The following CTSB variants were observed in gnomAD, a reference collection of about 807,000 sequenced individuals.
CTSB encodes the protein cathepsin B.
In CTSB, 57 loss-of-function variants were observed where a neutral mutation model predicts 44.3. The ratio of observed to expected loss-of-function variants is 1.29; its 90% confidence interval spans 1.04 to 1.60. The LOEUF (loss-of-function observed/expected upper bound fraction) is 1.60. Among genes scored for constraint, CTSB ranks in the 40% most tolerant of loss-of-function variants. The pLI is 0.00. For synonymous variants in CTSB, 320 were observed against 168.0 expected, an observed-to-expected ratio of 1.91 and a Z score of -7.00; for missense variants, 768 against 443.0, an observed-to-expected ratio of 1.73 and a Z score of -6.59.
intron 3 of CTSB, 112 bp downstream of exon 3, chr8:11,852,498 G>T: frequency 2.9e-6 from 2 of 681,012 alleles, no homozygotes; most frequent in South Asian, 2.1e-5. Context: ...CGGCAGCCCT[G>T]GGCAGCATGA....
Position 11,847,768 on chromosome 8 carries a change from G to T in CTSB, c.587C>A (p.Pro196His). The T allele has an allele frequency of 1.2e-6, 2 of 1,600,386 alleles. No individual in the cohort carries two copies. Among genetic ancestry groups the T allele is most frequent in the Non-Finnish European group, 1.7e-6 (2 of 1,176,136 alleles). The change falls in exon 7 of 10, where the codon CCC (proline) becomes CAC (histidine). Residue 196 changes from proline to histidine, a missense_variant. Transcript: ENST00000353047. ...PCEHHVNGSR[P>H]PCTGEGDTPK... ...GGTATCTCCCTCCCCCGTGCATGGGGGCCGGGAGCCGTTGACGTGGTGCTC... is the reference window on the plus strand; with the variant it reads ...GGTATCTCCCTCCCCCGTGCATGGGTGCCGGGAGCCGTTGACGTGGTGCTC...
chr8:11,846,061 T>C lies in CTSB; in HGVS notation c.794-272A>G, dbSNP rs1586080060. ...CTTTAAAAATAGAATTTCTAATACATTCTAATTGATAAAACATTTAATGCT... is the reference window on the plus strand; with the variant it reads ...CTTTAAAAATAGAATTTCTAATACACTCTAATTGATAAAACATTTAATGCT... On this transcript the variant is annotated intron_variant, in intron 8 of 9. Coordinates refer to ENST00000353047, the MANE Select transcript of CTSB (RefSeq NM_001908.5). The C allele has an allele frequency of 2.1e-5, 6 of 281,692 alleles. No homozygotes were observed. In the East Asian group the frequency reaches 4.2e-4, roughly 20 times the overall value. 17.4% of individuals were successfully genotyped at this position (281,692 alleles called of 1,614,324 possible).
In CTSB at chr8:11,850,893, T is replaced by C; in HGVS notation, c.300A>G (p.Arg100=). Residue 100 remains arginine (R), a synonymous_variant, in exon 4 of 10, where the codon AGA becomes AGG. Coordinates refer to ENST00000353047, the MANE Select transcript of CTSB (RefSeq NM_001908.5). The part of the protein sequence containing the change: ...WPQCPTIKEI[R]DQGSCGSCWA... ...AGCAGGAGCCACAGGAGCCCTGGTC[T>C]CTGATCTCTTTGATGGTGGGACACT... 6.2e-7 allele frequency: 1 copy of C among 1,613,492 alleles called. No homozygotes were observed. Among genetic ancestry groups the C allele is most frequent in the Non-Finnish European group, 8.5e-7 (1 of 1,179,618 alleles).
chr8:11,855,474 T>C (rs1430744042), intron 1 of CTSB, among the ~76,000 whole-genome samples: 1 of 152,182 alleles, frequency 6.6e-6, no homozygotes, highest in Non-Finnish European at 1.5e-5. Context: ...CTGGACAACA[T>C]TGTGAGACCC....
intron 3 of CTSB, 132 bp from the exon 4 acceptor site, chr8:11,851,112 A>C (rs904703553): frequency 6.3e-6 from 3 of 475,238 alleles, no homozygotes; most frequent in African/African-American, 3.9e-5. Flanking sequence ...AGAAGGCTGC[A>C]GACAGGTGTC....
chr8:11,855,641 T>C (rs977561541), intron 1 of CTSB, among the ~76,000 whole-genome samples: 1 of 152,226 alleles, frequency 6.6e-6, no homozygotes, highest in African/African-American at 2.4e-5. Context: ...ACATATACTT[T>C]AGGCTTCGTT....
In CTSB at chr8:11,843,538, T is replaced by C. The variant is rs1456530684; in HGVS notation, c.*1587A>G. 1 of 152,244 alleles carries C rather than the reference T, an allele frequency of 6.6e-6. No individual in the cohort carries two copies. The highest frequency in any genetic ancestry group is 1.9e-4 in the East Asian group (1 of 5,196). The allele number at this position is 152,244 out of a possible 1,614,324, so 9.4% of individuals were successfully genotyped here. A position where few individuals can be genotyped will look rare whatever the true frequency, so the allele number is the denominator to read the frequency against. ...CCAGGGCTATGCAAAGCACTAGAGT[T>C]CCTGACCAGCAATGCAAACCAGTGG... On this transcript the variant is annotated 3_prime_UTR_variant, in exon 10 of 10. Transcript: ENST00000353047.
At chr8:11,860,109 T>A (rs1040480882) in intron 1 of CTSB, among the ~76,000 whole-genome samples, 1 of 152,086 alleles carries the variant, frequency 6.6e-6, no homozygotes, top group East Asian at 1.9e-4. Flanking sequence ...TCTTACATGG[T>A]CACAGAGCCC....
intron 1 of CTSB, among the ~76,000 whole-genome samples, chr8:11,855,439 T>C (rs1586158113): frequency 2.0e-5 from 3 of 152,328 alleles, no homozygotes; most frequent in Middle Eastern, 6.8e-3. Flanking sequence ...AGTGGATCAC[T>C]TGAGGCCAGG....
intron 3 of CTSB, among the ~76,000 whole-genome samples, chr8:11,852,176 G>C (rs569919433): frequency 6.6e-6 from 1 of 152,242 alleles, no homozygotes; most frequent in Non-Finnish European, 1.5e-5. Flanking sequence ...TTCGAGACGA[G>C]CCTGGCCAGT....
chr8:11,848,252 C>T (rs1219832701), intron 5 of CTSB, 100 bp from the exon 6 acceptor site: 3 of 1,003,862 alleles, frequency 3.0e-6, no homozygotes, highest in East Asian at 2.4e-5. Context: ...CGTGGACCCA[C>T]CCCCAGCTGC....
intron 3 of CTSB, 109 bp from the exon 4 acceptor site, chr8:11,851,089 C>T: frequency 7.1e-6 from 4 of 565,448 alleles, no homozygotes; most frequent in Non-Finnish European, 1.3e-5. Flanking sequence ...GAAATGAGCA[C>T]AAGACATGCC....
Position 11,844,008 on chromosome 8 carries a change from G to C in CTSB, c.*1117C>G, listed in dbSNP as rs1812748451. ...AGAAGGCGCCACTGCACTCCAGCCTGGGAGACGGAATCTCACTCTGTCAGT... is the reference window on the plus strand; with the variant it reads ...AGAAGGCGCCACTGCACTCCAGCCTCGGAGACGGAATCTCACTCTGTCAGT... On this transcript the variant is annotated 3_prime_UTR_variant, in exon 10 of 10. Coordinates refer to ENST00000353047, the MANE Select transcript of CTSB (RefSeq NM_001908.5). 6.6e-6 allele frequency: 1 copy of C among 151,212 alleles called. No homozygotes were observed. 9.4% of individuals were successfully genotyped at this position (151,212 alleles called of 1,614,324 possible).
intron 1 of CTSB, among the ~76,000 whole-genome samples, chr8:11,854,338 G>T (rs1219234250): frequency 1.3e-5 from 2 of 152,330 alleles, no homozygotes; most frequent in South Asian, 2.1e-4. Context: ...AGGTCGTCAT[G>T]AAAGTCACAG....
At chr8:11,848,486 A>G in intron 5 of CTSB, 1 of 413,806 alleles carries the variant, frequency 2.4e-6, no homozygotes, top group South Asian at 2.1e-5. Context: ...TCCCTAAGGT[A>G]CTTAAAAACA....
rs1177706042 is a variant in CTSB, at chr8:11,844,124, G to C, written c.*1001C>G. The C allele has an allele frequency of 2.6e-5, 4 of 152,262 alleles. No homozygotes were observed. The East Asian group carries it at 5.8e-4, about 22-fold the overall frequency. 9.4% of individuals were successfully genotyped at this position (152,262 alleles called of 1,614,324 possible). On this transcript the variant is annotated 3_prime_UTR_variant, in exon 10 of 10. Coordinates refer to ENST00000353047, the MANE Select transcript of CTSB (RefSeq NM_001908.5). ...AGGCACTTACAGAGAAGGTTGACGA[G>C]GATGACAGGGAACTAATTGGGGGAG... is the stretch of plus-strand genomic sequence containing the variant.
In CTSB at chr8:11,849,002, G is replaced by T. The variant is rs559873033; in HGVS notation, c.446+44C>A. 4.9e-6 allele frequency: 7 copies of T among 1,443,032 alleles called. No individual in the cohort carries two copies. The East Asian group carries it at 1.6e-4, about 33-fold the overall frequency. 89.4% of individuals were successfully genotyped at this position (1,443,032 alleles called of 1,614,324 possible). ...CTCCACTGAGAAGCTGGGGCCCAGG[G>T]TCTCTCAGCACTAAACCCGCTGTGG... On this transcript the variant is annotated intron_variant, in intron 5 of 9. Coordinates refer to ENST00000353047, the MANE Select transcript of CTSB (RefSeq NM_001908.5).
chr8:11,844,647 A>C lies in CTSB; in HGVS notation c.*478T>G, dbSNP rs1483799685. On this transcript the variant is annotated 3_prime_UTR_variant, in exon 10 of 10. Transcript: ENST00000353047. ...GGTTGTGACATTGCAAACTCGATAGATGCAGGGGGCCTGGGAGACTGGCGT... is the reference window on the plus strand; with the variant it reads ...GGTTGTGACATTGCAAACTCGATAGCTGCAGGGGGCCTGGGAGACTGGCGT... 1 of 158,130 alleles carries C rather than the reference A, an allele frequency of 6.3e-6. No homozygotes were observed. The highest frequency in any genetic ancestry group is 1.8e-4 in the East Asian group (1 of 5,490). The allele number at this position is 158,130 out of a possible 1,614,324, so 9.8% of individuals were successfully genotyped here.
chr8:11,860,285 G>C (rs185095938), intron 1 of CTSB, among the ~76,000 whole-genome samples: 81 of 152,222 alleles, frequency 5.3e-4, no homozygotes, highest in Non-Finnish European at 9.0e-4. Flanking sequence ...TCATTCGTTG[G>C]TGCTGTGGCT....
Sources: allele counts gnomAD v4.1 joint callset (sites outside exome capture counted in the v4.1 genomes callset), GRCh38; gene constraint gnomAD v4.1.1; transcripts MANE v1.5; gene names NCBI Gene and HGNC (gene_info 2026-07-23, HGNC 2026-07-21).